The following BACH1 variants were observed in gnomAD, a reference collection of about 807,000 sequenced individuals.
BACH1 encodes the protein transcription regulator protein BACH1.
Under a neutral mutation model 52.9 loss-of-function variants are expected in BACH1, and 35 were observed. That is an observed-to-expected ratio of 0.66 (90% confidence interval 0.51 to 0.88). The LOEUF is 0.88. Among genes scored for constraint, BACH1 ranks in the 40% least tolerant of loss-of-function variants. The probability of loss-of-function intolerance (pLI) is 0.00; values close to 1 mark genes in which losing one functional copy is unlikely to be tolerated. For synonymous variants in BACH1, 321 were observed against 319.6 expected (o/e 1.00, Z -0.05); for missense variants, 808 against 872.6 (o/e 0.93, Z 0.93).
chr21:29,333,626 C>CTA (rs1163446322), intron 4 of BACH1, among the ~76,000 whole-genome samples: 19 of 152,278 alleles, frequency 1.2e-4, no homozygotes, highest in Non-Finnish European at 1.6e-4. Context: ...TGGTCTTAGG[C>CTA]TATTGGCTGT....
intron 2 of BACH1, among the ~76,000 whole-genome samples, chr21:29,359,772 C>G (rs903266646): frequency 6.6e-6 from 1 of 152,102 alleles, no homozygotes; most frequent in Non-Finnish European, 1.5e-5. Flanking sequence ...TCCTTGTGAG[C>G]CTCAAAGATC....
At chr21:29,337,113 G>C (rs184261288) in intron 4 of BACH1, among the ~76,000 whole-genome samples, 1 of 152,268 alleles carries the variant, frequency 6.6e-6, no homozygotes, top group East Asian at 1.9e-4. Flanking sequence ...TTTGGCCTGG[G>C]AGAGCCCGTT....
intron 4 of BACH1, among the ~76,000 whole-genome samples, chr21:29,333,711 G>A (rs999916774): frequency 1.3e-5 from 2 of 152,212 alleles, no homozygotes; most frequent in Non-Finnish European, 2.9e-5. Flanking sequence ...ATTCTGGATG[G>A]ATCAGCATGT....
At chr21:29,319,746 G>C (rs2123432325) in intron 1 of BACH1, among the ~76,000 whole-genome samples, 1 of 149,262 alleles carries the variant, frequency 6.7e-6, no homozygotes, top group South Asian at 2.2e-4. Flanking sequence ...GGACATAGTA[G>C]GGCAGGTGGT....
chr21:29,302,180 G>T (rs187950327), intron 1 of BACH1, among the ~76,000 whole-genome samples: 1 of 152,300 alleles, frequency 6.6e-6, no homozygotes, highest in Non-Finnish European at 1.5e-5. Flanking sequence ...TAGACAGAGG[G>T]TTTATTTTAT....
At position 29,307,421 on chromosome 21, in the gene BACH1, G is replaced by GTGTGTGTT. The variant is rs530015131; in HGVS notation, c.-61+8474_-61+8475insTTTGTGTG. On this transcript the variant is annotated intron_variant, in intron 1 of 4. Transcript: ENST00000286800. Reference sequence around the variant, plus strand: ...CTCACTTACCTTTGTGTGTGTGTGTGTGTGTGGTGAGAACCTTTAAATCTA... The same window carrying GTGTGTGTT: ...CTCACTTACCTTTGTGTGTGTGTGTGTGTGTGTTTGTGTGGTGAGAACCTTTAAATCTA... 1.5e-3 allele frequency among the ~76,000 whole-genome samples: 236 copies of GTGTGTGTT among 152,298 alleles called. 3 individuals carry two copies. Among genetic ancestry groups the GTGTGTGTT allele is most frequent in the African/African-American group, 4.9e-3 (202 of 41,556 alleles).
intron 2 of BACH1, among the ~76,000 whole-genome samples, chr21:29,352,289 A>G (rs1291643903): frequency 1.3e-5 from 2 of 151,798 alleles, no homozygotes; most frequent in African/African-American, 2.4e-5. Flanking sequence ...CCTGACCTCA[A>G]GTGATCCGCC....
downstream of BACH1, among the ~76,000 whole-genome samples, chr21:29,350,111 C>T (rs2089193870): frequency 6.6e-6 from 1 of 152,152 alleles, no homozygotes; most frequent in Admixed American, 6.5e-5. Flanking sequence ...TTTAAAACCT[C>T]TTACCCAGAC....
At chr21:29,318,250 G>A (rs2088810295) in intron 1 of BACH1, among the ~76,000 whole-genome samples, 1 of 152,196 alleles carries the variant, frequency 6.6e-6, no homozygotes, top group African/African-American at 2.4e-5. Flanking sequence ...GCTGATGATG[G>A]CTTGGATTAG....
chr21:29,317,524 G>T (rs1047724640), intron 1 of BACH1, among the ~76,000 whole-genome samples: 3 of 152,236 alleles, frequency 2.0e-5, no homozygotes, highest in African/African-American at 7.2e-5. Flanking sequence ...GAGCAGGAAG[G>T]AAGAGACAGT....
intron 4 of BACH1, among the ~76,000 whole-genome samples, chr21:29,332,301 G>T (rs1021740604): frequency 6.6e-6 from 1 of 152,102 alleles, no homozygotes; most frequent in Non-Finnish European, 1.5e-5. Context: ...TCTGTGTTTG[G>T]TATATTGCTT....
Position 29,321,392 on chromosome 21 carries a change from A to G in BACH1, c.112A>G (p.Ile38Val), listed in dbSNP as rs143816241. The G allele has an allele frequency of 1.9e-5, 30 of 1,614,104 alleles. No homozygotes were observed. The African/African-American group carries it at 3.5e-4, about 19-fold the overall frequency. ...RKKDVLCDVTIFVEGQRFRAH... is the reference protein window; with the variant it reads ...RKKDVLCDVTVFVEGQRFRAH... ...GAAAGATGTGCTGTGCGATGTCACC[A>G]TCTTTGTGGAGGGACAGCGGTTCCG... The change falls in exon 2 of 5, where the codon ATC becomes GTC. Residue 38 changes from isoleucine (I) to valine (V), a missense_variant. Physicochemically the swap from Ile to Val is conservative, Grantham distance 29. Transcript: ENST00000286800.
At chr21:29,359,250 A>C (rs2089256915) in intron 2 of BACH1, 1 of 151,860 alleles carries the variant, frequency 6.6e-6, no homozygotes, top group South Asian at 2.1e-4. Context: ...TTTTTCCCTT[A>C]ATCCTCACAG....
chr21:29,311,498 T>C (rs1422292159), intron 1 of BACH1, among the ~76,000 whole-genome samples: 3 of 152,182 alleles, frequency 2.0e-5, no homozygotes, highest in East Asian at 1.9e-4. Flanking sequence ...TTCAGAGTTA[T>C]GTGCAATGTT....
In BACH1 at chr21:29,342,874, A is replaced by C. The variant is rs758068493; in HGVS notation, c.*41A>C. The C allele has an allele frequency of 3.9e-6, 6 of 1,525,788 alleles. No individual in the cohort carries two copies. Among genetic ancestry groups the C allele is most frequent in the Non-Finnish European group, 3.5e-6 (4 of 1,134,610 alleles). 94.5% of individuals were successfully genotyped at this position (1,525,788 alleles called of 1,614,324 possible). The stretch of plus-strand genomic sequence containing the variant: ...CTTCAAACCATCTAATTTTCTCCTG[A>C]AGTTTTGGCAGCGTCTTGAAAGCCT... On this transcript the variant is annotated 3_prime_UTR_variant, in exon 5 of 5. Coordinates refer to ENST00000286800, the MANE Select transcript of BACH1 (RefSeq NM_001186.4).
At chr21:29,305,174 T>A (rs1000449422) in intron 1 of BACH1, 7 of 151,304 alleles carry the variant, frequency 4.6e-5, no homozygotes, top group African/African-American at 1.5e-4. Flanking sequence ...GCTTTTGTAA[T>A]CTTGTTTTTT....
At chr21:29,361,227 C>T (rs1453206198) in intron 2 of BACH1, 1 of 152,208 alleles carries the variant, frequency 6.6e-6, no homozygotes, top group African/African-American at 2.4e-5. Context: ...CAGTAGCTGA[C>T]TTGGAAAATG....
Position 29,342,541 on chromosome 21 carries a change from A to G in BACH1, c.1919A>G (p.Lys640Arg), listed in dbSNP as rs1334931953. ...CAAGAACAAATACAGATACTCGCCA[A>G]GTACTCAGCTGCAGATTGCCCACTT... ...LSQEQIQILA[K>R]YSAADCPLSF... Residue 640 changes from lysine (K) to arginine (R), a missense_variant, in exon 5 of 5, where the codon AAG becomes AGG. By Grantham distance (26) the Lys-to-Arg change is conservative (BLOSUM62 2). Transcript: ENST00000286800. The G allele has an allele frequency of 6.2e-7, 1 of 1,614,268 alleles. No homozygotes were observed. Among genetic ancestry groups the G allele is most frequent in the East Asian group, 2.2e-5 (1 of 44,888 alleles).
chr21:29,301,858 G>A (rs2088607429), intron 1 of BACH1, among the ~76,000 whole-genome samples: 8 of 152,082 alleles, frequency 5.3e-5, no homozygotes, highest in Admixed American at 5.2e-4. Context: ...CTTGGGAAGT[G>A]GCATTTATTC....
Sources: gnomAD v4.1 joint callset for allele counts (sites outside exome capture counted in the v4.1 genomes callset) on GRCh38, gnomAD v4.1.1 for gene constraint, MANE v1.5 for transcripts, NCBI Gene and HGNC (gene_info 2026-07-23, HGNC 2026-07-21) for gene names.